LIMK1: variants seen among roughly 807,000 people sequenced by gnomAD.
LIMK1 encodes LIM domain kinase 1.
Under a neutral mutation model 77.6 loss-of-function variants are expected in LIMK1, and 21 were observed. That is an observed-to-expected ratio of 0.27 (90% CI 0.19 to 0.39). The LOEUF is 0.39. Among genes scored for constraint, LIMK1 ranks in the 10% least tolerant of loss-of-function variants. The probability of loss-of-function intolerance (pLI) is 1.00; values close to 1 mark genes in which losing one functional copy is unlikely to be tolerated. For missense variants in LIMK1, 696 were observed against 901.6 expected, an observed-to-expected ratio of 0.77 and a Z score of 2.92; for synonymous variants, 358 against 370.0, an observed-to-expected ratio of 0.97 and a Z score of 0.37.
At chr7:74,097,915 A>G (rs1554695946) in intron 4 of LIMK1, among the ~76,000 whole-genome samples, 1 of 152,158 alleles carries the variant, frequency 6.6e-6, no homozygotes, top group African/African-American at 2.4e-5. Flanking sequence ...TTGCTAACAG[A>G]CTCACAGAAC....
intron 5 of LIMK1, among the ~76,000 whole-genome samples, 179 bp from the exon 6 acceptor site, chr7:74,105,696 T>G (rs1554697273): frequency 6.6e-6 from 1 of 152,076 alleles, no homozygotes. Flanking sequence ...CATCAGTAAT[T>G]GATTACAGAA....
At chr7:74,086,434 A>G (rs1554694081) in intron 2 of LIMK1, among the ~76,000 whole-genome samples, 2 of 152,022 alleles carry the variant, frequency 1.3e-5, no homozygotes, top group Non-Finnish European at 2.9e-5. Context: ...ATCTCGGCTC[A>G]TTGCAACCTC....
At position 74,097,069 on chromosome 7, in the gene LIMK1, C is replaced by T. The variant is rs782725445; in HGVS notation, c.292-11C>T. The stretch of plus-strand genomic sequence containing the variant: ...CTGAGCTGGGCTGTTCCCTCCTCAC[C>T]CCCGCACCAGGTGGCTGGGGAGCTG... On this transcript the variant is annotated splice_polypyrimidine_tract_variant and intron_variant, in intron 3 of 15. Coordinates refer to ENST00000336180, the MANE Select transcript of LIMK1 (RefSeq NM_002314.4). 20 of 1,602,170 alleles carry T rather than the reference C, an allele frequency of 1.2e-5. No homozygotes were observed. Among genetic ancestry groups the T allele is most frequent in the South Asian group, 2.2e-5 (2 of 89,824 alleles).
Position 74,098,601 on chromosome 7 carries a change from C to T in LIMK1, c.402-431C>T, listed in dbSNP as rs566645640. 8.7e-4 allele frequency among the ~76,000 whole-genome samples: 132 copies of T among 152,276 alleles called. 1 individual carries two copies. The highest frequency in any genetic ancestry group is 2.7e-3 in the Admixed American group (42 of 15,290). On this transcript the variant is annotated intron_variant, in intron 4 of 15. Transcript: ENST00000336180. ...GTGGCTCACCCCTATAATCCCAGCA[C>T]TTTGGGAGGCCAAGGCAGGCAGATC... is the stretch of plus-strand genomic sequence containing the variant.
chr7:74,113,067 T>C (rs1554698881), intron 12 of LIMK1, among the ~76,000 whole-genome samples: 1 of 151,926 alleles, frequency 6.6e-6, no homozygotes, highest in Non-Finnish European at 1.5e-5. Flanking sequence ...ACACCTAAAA[T>C]CCCAGCAATT....
intron 9 of LIMK1, among the ~76,000 whole-genome samples, chr7:74,108,460 C>T (rs1348293666): frequency 2.6e-5 from 4 of 152,086 alleles, no homozygotes; most frequent in Non-Finnish European, 5.9e-5. Flanking sequence ...CCCTGGCCAA[C>T]ATGGCAAAAC....
chr7:74,099,199 G>T lies in LIMK1; in HGVS notation c.569G>T (p.Gly190Val). Reference sequence around the variant, plus strand: ...ATTGACCCCCCGCACGGCCCACCGGGCTGTGGCACCGAGCACTCACACACC... The same window carrying T: ...ATTGACCCCCCGCACGGCCCACCGGTCTGTGGCACCGAGCACTCACACACC... ...VSIDPPHGPP[G>V]CGTEHSHTVR... Residue 190 changes from glycine to valine, a missense_variant, in exon 5 of 16, where the codon GGC (glycine) becomes GTC (valine). Physicochemically the swap from Gly to Val is moderately radical, Grantham distance 109. Transcript: ENST00000336180. 1 of 1,609,974 alleles carries T rather than the reference G, an allele frequency of 6.2e-7. No homozygotes were observed. The highest frequency in any genetic ancestry group is 2.2e-5 in the East Asian group (1 of 44,874).
chr7:74,103,954 T>C (rs1018227198), intron 5 of LIMK1, among the ~76,000 whole-genome samples: 3 of 151,962 alleles, frequency 2.0e-5, no homozygotes, highest in African/African-American at 7.2e-5. Flanking sequence ...CCACCATGCC[T>C]GGCTAATTTT....
At chr7:74,106,035 C>T in intron 6 of LIMK1, 42 bp from the exon 7 acceptor site, 2 of 1,613,262 alleles carry the variant, frequency 1.2e-6, no homozygotes, top group Non-Finnish European at 1.7e-6. Context: ...ATGCCTAGCC[C>T]CCTCCCCACT....
At chr7:74,084,209 G>C (rs1799086279) in intron 1 of LIMK1, among the ~76,000 whole-genome samples, 164 bp downstream of exon 1, 1 of 149,654 alleles carries the variant, frequency 6.7e-6, no homozygotes, top group African/African-American at 2.5e-5. Context: ...CCTCCCGCCC[G>C]GGATCCCCCT....
rs1799925900 is a variant in LIMK1 at position 74,121,011 on chromosome 7, C to T, written c.1743C>T (p.Pro581=). The T allele has an allele frequency of 6.2e-7, 1 of 1,608,724 alleles. No individual in the cohort carries two copies. The highest frequency in any genetic ancestry group is 1.3e-5 in the African/African-American group (1 of 74,950). The change falls in exon 15 of 16, where the codon CCC becomes CCT. Residue 581 remains proline (P), a synonymous_variant. Transcript: ENST00000336180. The part of the protein sequence containing the change: ...CPPNCPPSFF[P]ITVRCCDLDP... The stretch of plus-strand genomic sequence containing the variant: ...CAAACTGCCCCCCGAGCTTCTTCCC[C>T]ATCACCGTGCGCTGTTGCGATCTGG...
At chr7:74,097,014 G>A (rs1799349226) in intron 3 of LIMK1, 66 bp from the exon 4 acceptor site, 4 of 1,306,152 alleles carry the variant, frequency 3.1e-6, no homozygotes, top group Non-Finnish European at 4.3e-6. Flanking sequence ...AAGAGGCCTA[G>A]GGGAGGATCT....
At chr7:74,107,765 A>T in intron 8 of LIMK1, 106 bp from the exon 9 acceptor site, 1 of 784,022 alleles carries the variant, frequency 1.3e-6, no homozygotes. Context: ...TAGAGTATGA[A>T]GCCATCTGCA....
intron 5 of LIMK1, among the ~76,000 whole-genome samples, chr7:74,103,269 T>TA (rs1799504614): frequency 6.8e-6 from 1 of 147,400 alleles, no homozygotes; most frequent in Non-Finnish European, 1.5e-5. Flanking sequence ...TTTTTTTTTT[T>TA]AAAAAGAGAC....
chr7:74,106,189 C>G lies in LIMK1; in HGVS notation c.827C>G (p.Pro276Arg). The part of the protein sequence containing the change: ...LGPETSPLSS[P>R]AYTPSGEAGS... The stretch of plus-strand genomic sequence containing the variant: ...CCTGAGACCAGCCCCCTGAGCTCTC[C>G]GGCTTATACTCCCAGCGGGGAGGCG... Residue 276 changes from proline (P) to arginine (R), a missense_variant, in exon 7 of 16, where the codon CCG (proline) becomes CGG (arginine). Physicochemically the swap from Pro to Arg is moderately radical, Grantham distance 103. Transcript: ENST00000336180. 6.2e-7 allele frequency: 1 copy of G among 1,613,942 alleles called. No homozygotes were observed.
In LIMK1 at chr7:74,115,907, C is replaced by T. The variant is rs1554699379; in HGVS notation, c.1516C>T (p.Arg506Cys). The change falls in exon 13 of 16, where the codon CGC becomes TGC. Residue 506 changes from arginine (R) to cysteine (C), a missense_variant. Arg to Cys is a radical substitution (Grantham distance 180). This residue lies in a region of LIMK1 where 438 missense variants were observed against 602.3 expected (regional missense o/e 0.73). Transcript: ENST00000336180. ...CCTCAAGAAGCCAGACCGCAAGAAG[C>T]GCTACACCGTGGTGGGCAACCCCTA... ...RSLKKPDRKK[R>C]YTVVGNPYWM... is the part of the protein sequence containing the mutation. The T allele has an allele frequency of 4.3e-6, 7 of 1,614,072 alleles. No individual in the cohort carries two copies. The highest frequency in any genetic ancestry group is 4.2e-6 in the Non-Finnish European group (5 of 1,180,038).
chr7:74,089,156 G>A (rs1401462134), intron 2 of LIMK1, among the ~76,000 whole-genome samples: 20 of 152,168 alleles, frequency 1.3e-4, no homozygotes, highest in Non-Finnish European at 1.2e-4. Context: ...CAAGTGCCTC[G>A]CTGAAGGTTG....
At chr7:74,109,248 AC>A in intron 10 of LIMK1, 1 of 510,484 alleles carries the variant, frequency 2.0e-6, no homozygotes, top group Non-Finnish European at 3.6e-6. Context: ...TTATTCTGGC[AC>A]TTTGGGAGCC....
chr7:74,095,768 G>A (rs985184301), intron 2 of LIMK1, among the ~76,000 whole-genome samples: 2 of 151,842 alleles, frequency 1.3e-5, no homozygotes, highest in Non-Finnish European at 2.9e-5. Flanking sequence ...CCACCCCACC[G>A]GGATGCTTGG....
Sources: allele counts gnomAD v4.1 joint callset (sites outside exome capture counted in the v4.1 genomes callset), GRCh38; gene constraint gnomAD v4.1.1; regional missense constraint gnomAD v4.1.1; transcripts MANE v1.5; gene names NCBI Gene and HGNC (gene_info 2026-07-23, HGNC 2026-07-21).